Variants in PTPN13 observed in about 807,000 individuals in gnomAD.
PTPN13 encodes the protein protein tyrosine phosphatase non-receptor type 13, also known as tyrosine-protein phosphatase non-receptor type 13.
Under a neutral mutation model 284.0 loss-of-function variants are expected in PTPN13, and 191 were observed. The observed-to-expected ratio is 0.67, with a 90% CI of 0.60 to 0.76. PTPN13 has a LOEUF of 0.76. PTPN13 is among the 30% of genes least tolerant of loss of function. The pLI is 0.00. For missense variants in PTPN13, 2,797 were observed against 2,939.9 expected, an observed-to-expected ratio of 0.95 and a Z score of 1.12; for synonymous variants, 986 against 1,022.3, an observed-to-expected ratio of 0.96 and a Z score of 0.68.
rs149877960 is a variant in PTPN13, at chr4:86,772,728, A to G, written c.5169-50A>G. The G allele has an allele frequency of 6.4e-5, 93 of 1,446,942 alleles. No individual in the cohort carries two copies. The East Asian group carries it at 2.1e-3, about 33-fold the overall frequency. 89.6% of individuals were successfully genotyped at this position (1,446,942 alleles called of 1,614,324 possible). A position where few individuals can be genotyped will look rare whatever the true frequency, so the allele number is the denominator to read the frequency against. On this transcript the variant is annotated intron_variant, in intron 31 of 47. Transcript: ENST00000411767. Reference sequence around the variant, plus strand: ...TCTGTTTCTGGCACAAACTAACCATATTGACATTGAAATGTATTTAAAAAT... The same window carrying G: ...TCTGTTTCTGGCACAAACTAACCATGTTGACATTGAAATGTATTTAAAAAT...
At chr4:86,782,385 G>A in intron 37 of PTPN13, 123 bp downstream of exon 37, 1 of 921,726 alleles carries the variant, frequency 1.1e-6, no homozygotes, top group Non-Finnish European at 1.7e-6. Flanking sequence ...CATATTAATA[G>A]TAAGGCTATA....
At chr4:86,594,858 C>G (rs982272175) in intron 1 of PTPN13, 69 bp downstream of exon 1, 11 of 152,402 alleles carry the variant, frequency 7.2e-5, no homozygotes, top group African/African-American at 2.2e-4. Context: ...ACATTGCGCT[C>G]GTTCTCTTCC....
At chr4:86,657,394 A>G (rs1293122373) in intron 2 of PTPN13, among the ~76,000 whole-genome samples, 1 of 152,088 alleles carries the variant, frequency 6.6e-6, no homozygotes, top group Non-Finnish European at 1.5e-5. Flanking sequence ...AGACCCCTAA[A>G]TACACTGCCT....
At position 86,672,359 on chromosome 4, in the gene PTPN13, A is replaced by G; in HGVS notation, c.116-6A>G. 6.6e-7 allele frequency: 1 copy of G among 1,512,898 alleles called. No homozygotes were observed. Among genetic ancestry groups the G allele is most frequent in the Non-Finnish European group, 8.8e-7 (1 of 1,134,664 alleles). 93.7% of individuals were successfully genotyped at this position (1,512,898 alleles called of 1,614,324 possible). On this transcript the variant is annotated splice_polypyrimidine_tract_variant and splice_region_variant and intron_variant, in intron 2 of 47. Coordinates refer to ENST00000411767, the MANE Select transcript of PTPN13 (RefSeq NM_080683.3). ...TATTTTTTATTTTGGTGCAATTACAAACCAGTAAGCCTAGCTGATCCTGCT... is the reference window on the plus strand; with the variant it reads ...TATTTTTTATTTTGGTGCAATTACAGACCAGTAAGCCTAGCTGATCCTGCT...
chr4:86,669,285 GTATATATATATATATA>G lies in PTPN13; in HGVS notation c.116-3063_116-3048del, dbSNP rs34939020. Among the ~76,000 whole-genome samples the G allele has an allele frequency of 7.1e-5, 8 of 113,372 alleles. No individual in the cohort carries two copies. The South Asian group carries it at 1.0e-3, about 15-fold the overall frequency. The allele number at this position is 113,372 out of a possible 152,430, so 74.4% of individuals were successfully genotyped here. A position where few individuals can be genotyped will look rare whatever the true frequency, so the allele number is the denominator to read the frequency against. On this transcript the variant is annotated intron_variant, in intron 2 of 47. Transcript: ENST00000411767. ...TGACCTGTAATGTTGGGAAGAAGAT[GTATATATATATATATA>G]TATATATATATATATAGTGCTTAAA...
chr4:86,701,494 G>A lies in PTPN13; in HGVS notation c.888G>A (p.Lys296=), dbSNP rs1190589922. Reference sequence around the variant, plus strand: ...CTGGCATTGATGTGCTTTCTAAGAAGAAGATCTGGGCTTCATCCATGGACT... The same window carrying A: ...CTGGCATTGATGTGCTTTCTAAGAAAAAGATCTGGGCTTCATCCATGGACT... The part of the protein sequence containing the change: ...PIPGIDVLSK[K]KIWASSMDLL... Residue 296 remains lysine, a synonymous_variant, in exon 7 of 48, where the codon AAG becomes AAA. Coordinates refer to ENST00000411767, the MANE Select transcript of PTPN13 (RefSeq NM_080683.3). 2 of 1,613,950 alleles carry A rather than the reference G, an allele frequency of 1.2e-6. No individual in the cohort carries two copies. The highest frequency in any genetic ancestry group is 2.2e-5 in the South Asian group (2 of 91,078).
intron 3 of PTPN13, among the ~76,000 whole-genome samples, chr4:86,673,731 G>A (rs758268389): frequency 7.2e-5 from 11 of 152,268 alleles, no homozygotes; most frequent in African/African-American, 2.2e-4. Context: ...GTTTTGAGAC[G>A]GAGTCTCGTT....
rs2149374731 is a variant in PTPN13, at chr4:86,803,811, T to A, written c.6608T>A (p.Val2203Asp). ...TGANLKSVIR[V>D]LRGLLDQGIP... ...GCCAACTTAAAATCAGTCATTCGAG[T>A]CCTGCGGGGTTTGCTAGATCAAGGA... The change falls in exon 43 of 48, where the codon GTC becomes GAC. Residue 2203 changes from valine (V) to aspartate (D), a missense_variant. Physicochemically the swap from Val to Asp is radical, Grantham distance 152. Coordinates refer to ENST00000411767, the MANE Select transcript of PTPN13 (RefSeq NM_080683.3). 1 of 1,613,860 alleles carries A rather than the reference T, an allele frequency of 6.2e-7. No homozygotes were observed. Among genetic ancestry groups the A allele is most frequent in the South Asian group, 1.1e-5 (1 of 91,062 alleles).
intron 37 of PTPN13, among the ~76,000 whole-genome samples, chr4:86,783,841 C>G (rs1741605905): frequency 6.6e-6 from 1 of 151,750 alleles, no homozygotes; most frequent in Admixed American, 6.6e-5. Flanking sequence ...AAGTGCTTTA[C>G]AGTTGAACAT....
chr4:86,648,435 A>G (rs1724690390), intron 2 of PTPN13, among the ~76,000 whole-genome samples: 1 of 152,036 alleles, frequency 6.6e-6, no homozygotes, highest in African/African-American at 2.4e-5. Flanking sequence ...CCATGAGTTC[A>G]ATTTTATTTT....
chr4:86,805,107 C>T (rs1744510044), intron 43 of PTPN13, among the ~76,000 whole-genome samples, 172 bp from the exon 44 acceptor site: 1 of 152,132 alleles, frequency 6.6e-6, no homozygotes. Flanking sequence ...CAATATATTT[C>T]AATGCTGACT....
At chr4:86,720,643 A>G (rs532415027) in intron 9 of PTPN13, among the ~76,000 whole-genome samples, 3 of 152,190 alleles carry the variant, frequency 2.0e-5, no homozygotes, top group Non-Finnish European at 4.4e-5. Flanking sequence ...CTCTGATAAT[A>G]TCCCTAACAT....
At chr4:86,739,405 G>A (rs1239442526) in intron 15 of PTPN13, among the ~76,000 whole-genome samples, 1 of 152,110 alleles carries the variant, frequency 6.6e-6, no homozygotes, top group Non-Finnish European at 1.5e-5. Flanking sequence ...CACGGTGGAA[G>A]GTCTCACATG....
intron 44 of PTPN13, among the ~76,000 whole-genome samples, 184 bp from the exon 45 acceptor site, chr4:86,807,376 A>G (rs917946817): frequency 6.6e-6 from 1 of 152,262 alleles, no homozygotes; most frequent in Non-Finnish European, 1.5e-5. Context: ...AACATGAGCA[A>G]AAAGAATAAA....
intron 17 of PTPN13, among the ~76,000 whole-genome samples, chr4:86,749,316 A>T (rs1040109157): frequency 6.7e-6 from 1 of 150,116 alleles, no homozygotes; most frequent in East Asian, 2.0e-4. Flanking sequence ...CATCTTCATC[A>T]TCATCATCAT....
chr4:86,745,873 C>G (rs1000536247), intron 17 of PTPN13, among the ~76,000 whole-genome samples: 4 of 151,894 alleles, frequency 2.6e-5, no homozygotes, highest in Admixed American at 2.6e-4. Flanking sequence ...GAGTACTGGA[C>G]AGGTGGCACT....
At chr4:86,728,537 C>G (rs1734548289) in intron 10 of PTPN13, among the ~76,000 whole-genome samples, 1 of 141,418 alleles carries the variant, frequency 7.1e-6, no homozygotes, top group South Asian at 2.3e-4. Flanking sequence ...GTTAGCTCTT[C>G]TTGTTGAATT....
intron 2 of PTPN13, among the ~76,000 whole-genome samples, chr4:86,663,932 G>A (rs574506466): frequency 3.3e-5 from 5 of 152,224 alleles, no homozygotes; most frequent in African/African-American, 1.2e-4. Flanking sequence ...CTCATTTTAT[G>A]TACTTAATAC....
chr4:86,794,452 C>T (rs536282075), intron 40 of PTPN13, among the ~76,000 whole-genome samples: 8 of 152,056 alleles, frequency 5.3e-5, no homozygotes, highest in East Asian at 3.9e-4. Flanking sequence ...GAATCAATAT[C>T]GTGAAAATGG....
Sources: allele counts gnomAD v4.1 joint callset (sites outside exome capture counted in the v4.1 genomes callset), GRCh38; gene constraint gnomAD v4.1.1; transcripts MANE v1.5; gene names NCBI Gene and HGNC (gene_info 2026-07-23, HGNC 2026-07-21).